The following CWC27 variants were observed in gnomAD, a reference collection of about 807,000 sequenced individuals.
CWC27 encodes spliceosome-associated protein CWC27 homolog.
Under a neutral mutation model 63.6 loss-of-function variants are expected in CWC27, and 47 were observed. That is an observed-to-expected ratio of 0.74 (90% CI 0.58 to 0.94). The LOEUF is 0.94. Ranked by LOEUF, CWC27 falls within the 40% of genes least tolerant of loss-of-function variation. The pLI, the probability that CWC27 is intolerant of heterozygous loss-of-function variation, is 0.00. For missense variants in CWC27, 495 were observed against 554.3 expected (o/e 0.89, Z 1.07); for synonymous variants, 175 against 179.8 (o/e 0.97, Z 0.22).
In CWC27 at chr5:64,785,516, G is replaced by T; in HGVS notation, c.432G>T (p.Leu144=). ...TGDTVYNMLR[L]SEVDIDDDER... ...ATACAGTATATAACATGTTGCGACT[G>T]TCAGAAGTAGACATTGATGATGACG... The change falls in exon 5 of 14, where the codon CTG becomes CTT. Residue 144 remains leucine (L), a synonymous_variant. Coordinates refer to ENST00000381070, the MANE Select transcript of CWC27 (RefSeq NM_005869.4). 1 of 1,555,140 alleles carries T rather than the reference G, an allele frequency of 6.4e-7. No homozygotes were observed. Among genetic ancestry groups the T allele is most frequent in the South Asian group, 1.2e-5 (1 of 82,144 alleles).
chr5:64,917,776 T>C (rs978776528), intron 11 of CWC27, among the ~76,000 whole-genome samples: 1 of 152,174 alleles, frequency 6.6e-6, no homozygotes, highest in Admixed American at 6.5e-5. Context: ...GCCTGCTGGC[T>C]TTCAGACTGG....
At chr5:64,912,546 T>C (rs996433324) in intron 11 of CWC27, among the ~76,000 whole-genome samples, 1 of 151,852 alleles carries the variant, frequency 6.6e-6, no homozygotes, top group Non-Finnish European at 1.5e-5. Flanking sequence ...CAAAACTTAG[T>C]GCAGTAGAAA....
chr5:64,793,678 A>G (rs1386425383), intron 7 of CWC27, among the ~76,000 whole-genome samples: 1 of 152,166 alleles, frequency 6.6e-6, no homozygotes, highest in Non-Finnish European at 1.5e-5. Context: ...ATGACTAAGA[A>G]TAATTTGCAG....
At chr5:64,813,756 T>A (rs74387042) in intron 10 of CWC27, among the ~76,000 whole-genome samples, 1 of 151,720 alleles carries the variant, frequency 6.6e-6, no homozygotes, top group Non-Finnish European at 1.5e-5. Flanking sequence ...TTCTGGCCTT[T>A]TTAGGCCATA....
At chr5:64,833,645 T>C (rs756878132) in intron 10 of CWC27, among the ~76,000 whole-genome samples, 5 of 151,742 alleles carry the variant, frequency 3.3e-5, no homozygotes, top group Non-Finnish European at 7.4e-5. Context: ...CTAGATTTAT[T>C]TGGAAGTTGG....
chr5:64,925,446 G>A (rs950325924), intron 11 of CWC27, among the ~76,000 whole-genome samples: 1 of 152,202 alleles, frequency 6.6e-6, no homozygotes, highest in Non-Finnish European at 1.5e-5. Context: ...ATCCAGTAGA[G>A]AAGAATGTTC....
chr5:64,803,341 G>A (rs1210012387), intron 9 of CWC27, among the ~76,000 whole-genome samples: 3 of 152,082 alleles, frequency 2.0e-5, no homozygotes, highest in African/African-American at 7.2e-5. Context: ...TGTCAATGCT[G>A]GGCACTATTC....
intron 1 of CWC27, among the ~76,000 whole-genome samples, chr5:64,772,853 C>T (rs1479857670): frequency 1.3e-5 from 2 of 151,226 alleles, no homozygotes; most frequent in Non-Finnish European, 2.9e-5. Context: ...AGGAGAATTG[C>T]TTGAACCCGG....
At chr5:64,990,910 C>G (rs1394370452) in intron 13 of CWC27, among the ~76,000 whole-genome samples, 2 of 152,188 alleles carry the variant, frequency 1.3e-5, no homozygotes, top group East Asian at 3.9e-4. Flanking sequence ...GTCAGATTAA[C>G]TCAGTTTGCA....
At chr5:64,963,162 A>G (rs983081609) in intron 11 of CWC27, among the ~76,000 whole-genome samples, 2 of 151,782 alleles carry the variant, frequency 1.3e-5, no homozygotes, top group Admixed American at 6.6e-5. Flanking sequence ...AGGTTTTGCC[A>G]TGTTGCCCAG....
intron 10 of CWC27, among the ~76,000 whole-genome samples, chr5:64,857,542 A>G (rs1260924963): frequency 5.3e-5 from 8 of 152,204 alleles, no homozygotes; most frequent in African/African-American, 1.7e-4. Context: ...TACTCAATAT[A>G]TTTGTATAAA....
chr5:65,001,050 T>G (rs1375770152), intron 13 of CWC27, among the ~76,000 whole-genome samples: 1 of 152,024 alleles, frequency 6.6e-6, no homozygotes, highest in Admixed American at 6.5e-5. Context: ...TGGTTAAATT[T>G]ATTCCTAGTT....
intron 10 of CWC27, among the ~76,000 whole-genome samples, chr5:64,840,968 A>G (rs1438211437): frequency 6.6e-6 from 1 of 152,230 alleles, no homozygotes; most frequent in Non-Finnish European, 1.5e-5. Flanking sequence ...AGCTATCTCA[A>G]TTAGGTGTCC....
chr5:64,906,646 T>A (rs933118955), intron 11 of CWC27, among the ~76,000 whole-genome samples: 1 of 152,230 alleles, frequency 6.6e-6, no homozygotes, highest in African/African-American at 2.4e-5. Flanking sequence ...TAGTAGTTTC[T>A]TTTGCTGTGC....
chr5:64,773,666 AAAG>A (rs1187660693), intron 1 of CWC27, among the ~76,000 whole-genome samples: 2 of 152,326 alleles, frequency 1.3e-5, no homozygotes, highest in African/African-American at 2.4e-5. Flanking sequence ...AGGGGAGAAA[AAAG>A]AAGAAGTAAT....
chr5:64,955,984 G>A (rs887409652), intron 11 of CWC27, among the ~76,000 whole-genome samples: 2 of 152,016 alleles, frequency 1.3e-5, no homozygotes, highest in Non-Finnish European at 2.9e-5. Flanking sequence ...GGAATGCTTT[G>A]TTCACTGATA....
chr5:64,771,925 T>C (rs2042329), intron 1 of CWC27, among the ~76,000 whole-genome samples: 1 of 151,966 alleles, frequency 6.6e-6, no homozygotes, highest in Non-Finnish European at 1.5e-5. Flanking sequence ...AAGTTGCCTG[T>C]GGCCAAAAAA....
rs373809342 is a variant in CWC27, at chr5:64,971,775, A to G, written c.1115A>G (p.Lys372Arg). The change falls in exon 12 of 14, where the codon AAG becomes AGG. Residue 372 changes from lysine to arginine, a missense_variant. Transcript: ENST00000381070. ...AAGCAAAAGTATGAAGCTTTGAGGA[A>G]GCAACAGTCAAAGAAGGGAACTTCC... ...REKQKYEALR[K>R]QQSKKGTSRE... is the part of the protein sequence containing the mutation. 3.7e-6 allele frequency: 6 copies of G among 1,611,802 alleles called. No homozygotes were observed. Among genetic ancestry groups the G allele is most frequent in the Non-Finnish European group, 1.7e-6 (2 of 1,179,112 alleles).
chr5:64,846,718 G>T (rs2112290124), intron 10 of CWC27, among the ~76,000 whole-genome samples: 1 of 152,262 alleles, frequency 6.6e-6, no homozygotes, highest in Non-Finnish European at 1.5e-5. Flanking sequence ...AATAGGCCGG[G>T]CACAGTGGCT....
Sources: gnomAD v4.1 joint callset for allele counts (sites outside exome capture counted in the v4.1 genomes callset) on GRCh38, gnomAD v4.1.1 for gene constraint, MANE v1.5 for transcripts, NCBI Gene and HGNC (gene_info 2026-07-23, HGNC 2026-07-21) for gene names.